OSBPL10: variants seen among roughly 807,000 people sequenced by gnomAD.
The protein encoded by OSBPL10 is oxysterol-binding protein-related protein 10.
Under a neutral mutation model 81.7 loss-of-function variants are expected in OSBPL10, and 49 were observed. The ratio of observed to expected loss-of-function variants is 0.60; its 90% confidence interval spans 0.48 to 0.76. The LOEUF (loss-of-function observed/expected upper bound fraction) is 0.76, where lower values mean the gene tolerates loss of function less well. OSBPL10 is among the 30% of genes least tolerant of loss of function. The pLI, the probability that OSBPL10 is intolerant of heterozygous loss-of-function variation, is 0.00. For synonymous variants in OSBPL10, 419 were observed against 383.6 expected, an observed-to-expected ratio of 1.09 and a Z score of -1.08; for missense variants, 923 against 987.8, an observed-to-expected ratio of 0.93 and a Z score of 0.88.
At chr3:31,671,090 A>C in intron 8 of OSBPL10, 107 bp from the exon 9 acceptor site, 21 of 1,076,950 alleles carry the variant, frequency 1.9e-5, no homozygotes, top group Non-Finnish European at 2.6e-5. Flanking sequence ...CACAGATGTC[A>C]CATCTCCCAC....
intron 5 of OSBPL10, among the ~76,000 whole-genome samples, chr3:31,741,621 A>G (rs1379899256): frequency 6.6e-6 from 1 of 152,214 alleles, no homozygotes; most frequent in African/African-American, 2.4e-5. Flanking sequence ...GACAGTTGTA[A>G]AAAAATAAAA....
chr3:31,998,055 AG>A (rs1050218625), intron 2 of OSBPL10, among the ~76,000 whole-genome samples: 1 of 152,094 alleles, frequency 6.6e-6, no homozygotes, highest in Non-Finnish European at 1.5e-5. Flanking sequence ...GGCCTCCTGA[AG>A]TGCCACAGGT....
At chr3:31,745,588 T>C (rs1175348869) in intron 5 of OSBPL10, among the ~76,000 whole-genome samples, 1 of 152,156 alleles carries the variant, frequency 6.6e-6, no homozygotes, top group South Asian at 2.1e-4. Context: ...TGAGTGGTTG[T>C]TCTAGATTGA....
At chr3:31,926,276 C>G (rs1697070331) in intron 1 of OSBPL10, among the ~76,000 whole-genome samples, 1 of 134,682 alleles carries the variant, frequency 7.4e-6, no homozygotes, top group African/African-American at 2.9e-5. Context: ...GGTTCTCAAC[C>G]ATGGGTGATT....
chr3:31,790,972 C>T (rs1265787158), intron 4 of OSBPL10, among the ~76,000 whole-genome samples: 2 of 152,104 alleles, frequency 1.3e-5, no homozygotes, highest in Non-Finnish European at 2.9e-5. Flanking sequence ...CCCTGGCTGG[C>T]TGGCATGAAG....
At chr3:31,928,159 A>G (rs995562486) in intron 1 of OSBPL10, among the ~76,000 whole-genome samples, 2 of 152,138 alleles carry the variant, frequency 1.3e-5, no homozygotes, top group Non-Finnish European at 2.9e-5. Flanking sequence ...AATAATGGAG[A>G]TTTGCGGATG....
intron 2 of OSBPL10, among the ~76,000 whole-genome samples, chr3:32,014,967 C>T (rs956821303): frequency 5.3e-5 from 8 of 152,320 alleles, no homozygotes; most frequent in South Asian, 4.1e-4. Context: ...AATGGAAGAA[C>T]ATTTCCTGCT....
At chr3:31,799,070 C>G (rs188789011) in intron 4 of OSBPL10, among the ~76,000 whole-genome samples, 1 of 152,170 alleles carries the variant, frequency 6.6e-6, no homozygotes, top group Non-Finnish European at 1.5e-5. Flanking sequence ...ACAGGTCCAC[C>G]ACCTGGGGAT....
intron 2 of OSBPL10, among the ~76,000 whole-genome samples, chr3:32,043,718 C>G (rs946737934): frequency 6.6e-6 from 1 of 152,120 alleles, no homozygotes; most frequent in Admixed American, 6.5e-5. Context: ...AAATAATTTG[C>G]TAAAAGACAC....
chr3:32,074,218 T>C (rs1166430609), intron 1 of OSBPL10, among the ~76,000 whole-genome samples: 1 of 152,098 alleles, frequency 6.6e-6, no homozygotes, highest in East Asian at 1.9e-4. Context: ...TGGTGAGAAC[T>C]CCCCAGACAT....
chr3:31,770,250 G>GA (rs985510533), intron 4 of OSBPL10, among the ~76,000 whole-genome samples: 1 of 151,954 alleles, frequency 6.6e-6, no homozygotes, highest in African/African-American at 2.4e-5. Context: ...CTTTCCTCTG[G>GA]AAAAAAGTTG....
chr3:31,891,292 C>G (rs553638707), intron 1 of OSBPL10, among the ~76,000 whole-genome samples: 2 of 152,260 alleles, frequency 1.3e-5, no homozygotes, highest in South Asian at 4.1e-4. Context: ...GCCCCTCCCC[C>G]AGAGCTTATG....
chr3:31,881,208 G>A (rs1559503545), intron 1 of OSBPL10, among the ~76,000 whole-genome samples: 1 of 152,178 alleles, frequency 6.6e-6, no homozygotes, highest in East Asian at 1.9e-4. Flanking sequence ...CTGCGGAAGT[G>A]GAAAGTGTTT....
intron 4 of OSBPL10, among the ~76,000 whole-genome samples, chr3:31,783,144 T>TATATATATAC (rs1698747367): frequency 9.9e-6 from 1 of 100,660 alleles, no homozygotes; most frequent in Non-Finnish European, 2.0e-5. Flanking sequence ...TATATATATA[T>TATATATATAC]ATACACACAC....
chr3:31,673,480 C>T (rs532620857), intron 8 of OSBPL10, among the ~76,000 whole-genome samples: 3 of 152,256 alleles, frequency 2.0e-5, no homozygotes, highest in South Asian at 4.2e-4. Context: ...CCCAAGACCC[C>T]GGTTCCTTGG....
intron 4 of OSBPL10, among the ~76,000 whole-genome samples, chr3:31,760,901 T>G (rs570887413): frequency 6.6e-6 from 1 of 152,304 alleles, no homozygotes; most frequent in East Asian, 1.9e-4. Flanking sequence ...CAACAAACTC[T>G]CTGTATCTAA....
intron 5 of OSBPL10, among the ~76,000 whole-genome samples, chr3:31,742,726 G>C (rs1266539860): frequency 6.6e-6 from 1 of 152,180 alleles, no homozygotes; most frequent in Non-Finnish European, 1.5e-5. Context: ...AAATCAACCA[G>C]AAGCATGGAG....
At chr3:31,678,112 A>AGAGCAAAGAT (rs139708502) in intron 8 of OSBPL10, among the ~76,000 whole-genome samples, 6,109 of 147,758 alleles carry the variant, frequency 0.041, 324 homozygotes, top group East Asian at 0.3. Context: ...AAAAAAAGAC[A>AGAGCAAAGAT]GAGCAAAGAT....
At chr3:31,988,259 C>T (rs1698964583) in intron 2 of OSBPL10, among the ~76,000 whole-genome samples, 1 of 152,172 alleles carries the variant, frequency 6.6e-6, no homozygotes, top group Admixed American at 6.5e-5. Flanking sequence ...ACTTACGGAG[C>T]TAAACTTACT....
Sources: allele counts gnomAD v4.1 joint callset (sites outside exome capture counted in the v4.1 genomes callset), GRCh38; gene constraint gnomAD v4.1.1; transcripts MANE v1.5; gene names NCBI Gene and HGNC (gene_info 2026-07-23, HGNC 2026-07-21).